SKAP2: variants seen among roughly 807,000 people sequenced by gnomAD.
The protein encoded by SKAP2 is src kinase-associated phosphoprotein 2.
A neutral mutation model predicts 54.9 loss-of-function variants in SKAP2; 28 were observed. That is an observed-to-expected ratio of 0.51 (90% CI 0.38 to 0.70). The LOEUF is 0.70. Ranked by LOEUF, SKAP2 falls within the 30% of genes least tolerant of loss-of-function variation. The pLI is 0.00. For synonymous variants in SKAP2, 137 were observed against 134.3 expected (o/e 1.02, Z -0.14); for missense variants, 356 against 424.1 (o/e 0.84, Z 1.41).
chr7:26,823,594 A>C (rs1366822964), intron 4 of SKAP2, among the ~76,000 whole-genome samples: 1 of 152,166 alleles, frequency 6.6e-6, no homozygotes, highest in Non-Finnish European at 1.5e-5. Context: ...AGGCTAACAG[A>C]GATGAGAGCT....
intron 4 of SKAP2, among the ~76,000 whole-genome samples, chr7:26,787,321 GTT>G (rs57866747): frequency 5.4e-5 from 8 of 147,726 alleles, no homozygotes; most frequent in African/African-American, 9.9e-5. Context: ...CCTCAAGATG[GTT>G]TTTTTTTTTT....
At chr7:26,805,710 C>T (rs1784011774) in intron 4 of SKAP2, among the ~76,000 whole-genome samples, 1 of 152,208 alleles carries the variant, frequency 6.6e-6, no homozygotes, top group African/African-American at 2.4e-5. Context: ...AGCTAAAATT[C>T]TGACTGCAAT....
intron 9 of SKAP2, among the ~76,000 whole-genome samples, chr7:26,707,394 A>G (rs1381891337): frequency 1.3e-5 from 2 of 152,136 alleles, no homozygotes; most frequent in Non-Finnish European, 2.9e-5. Context: ...TATTATAATT[A>G]TAAAGCCCCT....
chr7:26,712,215 G>T (rs1787326610), intron 9 of SKAP2, among the ~76,000 whole-genome samples: 1 of 152,118 alleles, frequency 6.6e-6, no homozygotes, highest in South Asian at 2.1e-4. Flanking sequence ...CTGAAAATCT[G>T]AAATCTGAAA....
chr7:26,738,897 A>T lies in SKAP2; in HGVS notation c.386-19T>A. The T allele has an allele frequency of 1.4e-6, 2 of 1,433,650 alleles. No homozygotes were observed. Among genetic ancestry groups the T allele is most frequent in the Non-Finnish European group, 2.0e-6 (2 of 1,016,050 alleles). 88.8% of individuals were successfully genotyped at this position (1,433,650 alleles called of 1,614,324 possible). On this transcript the variant is annotated intron_variant, in intron 5 of 12. Coordinates refer to ENST00000345317, the MANE Select transcript of SKAP2 (RefSeq NM_003930.5). ...CTGTGATCTGCAATAAAGAGGGGAAAATGTAAGGCCATTTCCTTACTGTAA... is the reference window on the plus strand; with the variant it reads ...CTGTGATCTGCAATAAAGAGGGGAATATGTAAGGCCATTTCCTTACTGTAA...
At chr7:26,850,026 A>C (rs1485153902) in intron 3 of SKAP2, among the ~76,000 whole-genome samples, 1 of 152,202 alleles carries the variant, frequency 6.6e-6, no homozygotes, top group African/African-American at 2.4e-5. Context: ...ACTATAGCCC[A>C]AATTTTTTTA....
intron 4 of SKAP2, among the ~76,000 whole-genome samples, chr7:26,776,616 G>C (rs372553144): frequency 6.6e-6 from 1 of 151,998 alleles, no homozygotes; most frequent in Non-Finnish European, 1.5e-5. Flanking sequence ...CGAAATATCT[G>C]AGTTTATGCC....
intron 1 of SKAP2, among the ~76,000 whole-genome samples, chr7:26,860,997 CA>C (rs1175616231): frequency 6.6e-6 from 1 of 151,856 alleles, no homozygotes; most frequent in African/African-American, 2.4e-5. Flanking sequence ...AGAGCACTAA[CA>C]ATCACTATTT....
At chr7:26,815,566 T>C (rs573454075) in intron 4 of SKAP2, among the ~76,000 whole-genome samples, 12 of 152,246 alleles carry the variant, frequency 7.9e-5, no homozygotes, top group Admixed American at 5.2e-4. Context: ...ATATAACTTA[T>C]GGTGCCAAGG....
intron 4 of SKAP2, among the ~76,000 whole-genome samples, chr7:26,784,566 T>A (rs957078871): frequency 6.6e-6 from 1 of 152,212 alleles, no homozygotes; most frequent in Non-Finnish European, 1.5e-5. Flanking sequence ...GAATCATTCA[T>A]ATTTATCTCT....
intron 4 of SKAP2, among the ~76,000 whole-genome samples, chr7:26,763,889 T>A (rs1782986384): frequency 6.6e-6 from 1 of 152,306 alleles, no homozygotes; most frequent in African/African-American, 2.4e-5. Context: ...TAACTACTTG[T>A]GTATCTAAAC....
intron 4 of SKAP2, among the ~76,000 whole-genome samples, chr7:26,813,389 G>A (rs1353831380): frequency 6.6e-6 from 1 of 152,120 alleles, no homozygotes; most frequent in Non-Finnish European, 1.5e-5. Context: ...GTATGTAGCT[G>A]AAATTTTTTA....
At chr7:26,848,664 A>C (rs536199016) in intron 3 of SKAP2, among the ~76,000 whole-genome samples, 1 of 152,344 alleles carries the variant, frequency 6.6e-6, no homozygotes, top group East Asian at 1.9e-4. Context: ...CAAATGGGGA[A>C]AAATTACTCT....
chr7:26,828,135 C>T (rs1333688776), intron 4 of SKAP2, among the ~76,000 whole-genome samples: 3 of 152,140 alleles, frequency 2.0e-5, no homozygotes, highest in Admixed American at 6.5e-5. Flanking sequence ...AGCCTGGCCC[C>T]GGAGAACCCA....
intron 4 of SKAP2, among the ~76,000 whole-genome samples, chr7:26,834,673 T>A (rs939982290): frequency 1.3e-5 from 2 of 152,152 alleles, no homozygotes; most frequent in South Asian, 2.1e-4. Context: ...AATAGACCCA[T>A]AACAAGTTCT....
At position 26,816,224 on chromosome 7, in the gene SKAP2, T is replaced by C. The variant is rs541026937; in HGVS notation, c.307+27806A>G. ...ACACGTTCAAAATCCAACCACACGG[T>C]AGATAAAAGATAAGTGCATTGTTAA... On this transcript the variant is annotated intron_variant, in intron 4 of 12. Coordinates refer to ENST00000345317, the MANE Select transcript of SKAP2 (RefSeq NM_003930.5). Among the ~76,000 whole-genome samples the C allele has an allele frequency of 4.6e-5, 7 of 152,222 alleles. No homozygotes were observed. The South Asian group carries it at 1.2e-3, about 27-fold the overall frequency.
chr7:26,840,934 C>G (rs745892347), intron 4 of SKAP2, among the ~76,000 whole-genome samples: 2 of 151,956 alleles, frequency 1.3e-5, no homozygotes, highest in African/African-American at 4.8e-5. Flanking sequence ...ACATAAGAAG[C>G]ATTTCCAAAG....
chr7:26,781,061 G>C (rs913003537), intron 4 of SKAP2, among the ~76,000 whole-genome samples: 6 of 152,010 alleles, frequency 3.9e-5, no homozygotes, highest in African/African-American at 1.4e-4. Context: ...AAGATAACTA[G>C]AGCTGTTGCC....
chr7:26,777,556 C>A (rs571176964), intron 4 of SKAP2, among the ~76,000 whole-genome samples: 9 of 152,242 alleles, frequency 5.9e-5, no homozygotes, highest in Admixed American at 5.9e-4. Context: ...TCAATCTACA[C>A]CCCTAGGCAG....
Sources: gnomAD v4.1 joint callset for allele counts (sites outside exome capture counted in the v4.1 genomes callset) on GRCh38, gnomAD v4.1.1 for gene constraint, MANE v1.5 for transcripts, NCBI Gene and HGNC (gene_info 2026-07-23, HGNC 2026-07-21) for gene names.